ZFPM1: variants seen among roughly 807,000 people sequenced by gnomAD.
ZFPM1 encodes zinc finger protein ZFPM1.
In ZFPM1, 28 loss-of-function variants were observed where a neutral mutation model predicts 46.3. The observed-to-expected ratio is 0.60, with a 90% CI of 0.45 to 0.83. The LOEUF is 0.83. Ranked by LOEUF, ZFPM1 falls within the 40% of genes least tolerant of loss-of-function variation. The pLI is 0.00. For missense variants in ZFPM1, 1,878 were observed against 1,432.4 expected (o/e 1.31, Z -5.02); for synonymous variants, 957 against 675.9 (o/e 1.42, Z -6.45).
intron 1 of ZFPM1, among the ~76,000 whole-genome samples, chr16:88,478,530 C>T (rs555372193): frequency 5.9e-5 from 9 of 152,394 alleles, no homozygotes; most frequent in South Asian, 2.1e-4. Flanking sequence ...CACGGTTGCC[C>T]GTCCTGCCTC....
chr16:88,503,504 C>T lies in ZFPM1; in HGVS notation c.269-10883C>T, dbSNP rs565436728. ...GAGGGATCTGTGTCTGGGGAGGGGC[C>T]GGCCTGTTCTGCCTCCAGGGCTCCT... On this transcript the variant is annotated intron_variant, in intron 3 of 9. Transcript: ENST00000319555. Among the ~76,000 whole-genome samples the T allele has an allele frequency of 4.6e-5, 7 of 151,234 alleles. 1 individual carries two copies. The highest frequency in any genetic ancestry group is 3.9e-4 in the East Asian group (2 of 5,148).
At position 88,533,555 on chromosome 16, in the gene ZFPM1, C is replaced by T. The variant is rs372082316; in HGVS notation, c.1597C>T (p.Pro533Ser). The change falls in exon 10 of 10, where the codon CCC becomes TCC. Residue 533 changes from proline (P) to serine (S), a missense_variant. Coordinates refer to ENST00000319555, the MANE Select transcript of ZFPM1 (RefSeq NM_153813.3). ...GTTCCTTCCGCAGTACGTGTTCGGG[C>T]CCGACGCGGCGCCCCCCGCCTCGGA... ...ALFLPQYVFGPDAAPPASEIL... is the reference protein window; with the variant it reads ...ALFLPQYVFGSDAAPPASEIL... The T allele has an allele frequency of 2.0e-6, 3 of 1,479,844 alleles. No homozygotes were observed. Among genetic ancestry groups the T allele is most frequent in the Non-Finnish European group, 2.7e-6 (3 of 1,116,408 alleles). The allele number at this position is 1,479,844 out of a possible 1,614,324, so 91.7% of individuals were successfully genotyped here.
At chr16:88,528,292 G>A (rs1912509942) in intron 6 of ZFPM1, 54 bp downstream of exon 6, 3 of 1,516,978 alleles carry the variant, frequency 2.0e-6, no homozygotes, top group Middle Eastern at 2.3e-4. Flanking sequence ...GGAGGAGCAG[G>A]CAGGGCAGGA....
In ZFPM1 at chr16:88,469,215, C is replaced by T. The variant is rs549278529; in HGVS notation, c.40+15537C>T. Among the ~76,000 whole-genome samples the T allele has an allele frequency of 3.9e-5, 6 of 152,336 alleles. 1 individual carries two copies. The highest frequency in any genetic ancestry group is 1.9e-4 in the East Asian group (1 of 5,180). On this transcript the variant is annotated intron_variant, in intron 1 of 9. Coordinates refer to ENST00000319555, the MANE Select transcript of ZFPM1 (RefSeq NM_153813.3). This position sits in a 1 kb window ranked among gnomAD's most constrained non-coding sequence, Gnocchi z 4.3. ...CCCTCTCCCCGCGCTGACTTCCATC[C>T]GGAACCTCATTCTGCCAAGCTTCTG...
At chr16:88,483,696 G>T (rs905509100) in intron 1 of ZFPM1, among the ~76,000 whole-genome samples, 1 of 152,150 alleles carries the variant, frequency 6.6e-6, no homozygotes, top group South Asian at 2.1e-4. Flanking sequence ...TCAGCGATCT[G>T]GTGCACCCCT....
At chr16:88,467,103 A>G (rs1401036927) in intron 1 of ZFPM1, among the ~76,000 whole-genome samples, 1 of 152,180 alleles carries the variant, frequency 6.6e-6, no homozygotes, top group African/African-American at 2.4e-5. Context: ...GCCAACGGCT[A>G]CAGTGTGCCG....
chr16:88,532,567 A>C (rs1912875373), intron 7 of ZFPM1, 47 bp from the exon 8 acceptor site: 1 of 1,534,510 alleles, frequency 6.5e-7, no homozygotes, highest in East Asian at 2.5e-5. Context: ...CTGGAGTCCC[A>C]AGGTTAAGCT....
intron 1 of ZFPM1, among the ~76,000 whole-genome samples, chr16:88,462,575 G>A (rs1001123152): frequency 6.6e-6 from 1 of 152,218 alleles, no homozygotes; most frequent in Non-Finnish European, 1.5e-5. Context: ...CTCCTGGACT[G>A]TCAGGGGTGT....
chr16:88,531,195 TC>T (rs1912758019), intron 6 of ZFPM1: 1 of 152,066 alleles, frequency 6.6e-6, no homozygotes, highest in Non-Finnish European at 1.5e-5. Context: ...AACAGGTCCT[TC>T]CCTTCCCTGT....
intron 3 of ZFPM1, chr16:88,513,250 G>T (rs890702137): frequency 2.6e-5 from 4 of 152,380 alleles, no homozygotes; most frequent in Non-Finnish European, 5.9e-5. Context: ...GGCTGATAAA[G>T]GGGCGCGGGC....
At chr16:88,519,733 G>T (rs1911674233) in intron 4 of ZFPM1, among the ~76,000 whole-genome samples, 1 of 139,498 alleles carries the variant, frequency 7.2e-6, no homozygotes, top group Non-Finnish European at 1.6e-5. Context: ...GTGGATGATG[G>T]ATAGGTGGAT....
rs184370502 is a variant in ZFPM1, at chr16:88,500,618, C to T, written c.268+11465C>T. On this transcript the variant is annotated intron_variant, in intron 3 of 9. Coordinates refer to ENST00000319555, the MANE Select transcript of ZFPM1 (RefSeq NM_153813.3). ...ACTGTTGCTGCCAGCAGTGCTGTTG[C>T]CGTTACTGGCACCAACCCTCCCGCT... Among the ~76,000 whole-genome samples the T allele has an allele frequency of 3.1e-4, 48 of 152,386 alleles. No individual in the cohort carries two copies. In the East Asian group the frequency reaches 8.9e-3, roughly 28 times the overall value.
chr16:88,482,322 G>A (rs1908984625), intron 1 of ZFPM1, among the ~76,000 whole-genome samples: 1 of 152,086 alleles, frequency 6.6e-6, no homozygotes. Context: ...TGGGGACCAG[G>A]CAGCTGCTCT....
chr16:88,507,774 A>G (rs1254653797), intron 3 of ZFPM1, among the ~76,000 whole-genome samples: 2 of 152,108 alleles, frequency 1.3e-5, no homozygotes, highest in African/African-American at 2.4e-5. Context: ...GACCTCACCC[A>G]TGCACCCAGG....
chr16:88,476,184 G>A (rs1274261636), intron 1 of ZFPM1, among the ~76,000 whole-genome samples: 1 of 152,020 alleles, frequency 6.6e-6, no homozygotes, highest in East Asian at 1.9e-4. Flanking sequence ...AGGGTGAGCA[G>A]GCTGAGACCC....
intron 1 of ZFPM1, among the ~76,000 whole-genome samples, chr16:88,462,229 G>A (rs531644624): frequency 6.6e-6 from 1 of 152,368 alleles, no homozygotes; most frequent in East Asian, 1.9e-4. Flanking sequence ...CCCCGGCTGT[G>A]AAATGGGTGT....
chr16:88,533,907 G>C lies in ZFPM1; in HGVS notation c.1949G>C (p.Gly650Ala). The change falls in exon 10 of 10, where the codon GGC (glycine) becomes GCC (alanine). Residue 650 changes from glycine to alanine, a missense_variant. Transcript: ENST00000319555. ...GGAGCGCGCGAGGAGGGGGCTGGGG[G>C]CGCGGCCACGCCCGAGGACGGCGCG... is the stretch of plus-strand genomic sequence containing the variant. ...GPGAREEGAG[G>A]AATPEDGAGG... The C allele has an allele frequency of 9.0e-7, 1 of 1,116,638 alleles. No homozygotes were observed. The highest frequency in any genetic ancestry group is 1.1e-6 in the Non-Finnish European group (1 of 906,788). 69.2% of individuals were successfully genotyped at this position (1,116,638 alleles called of 1,614,324 possible).
At position 88,534,142 on chromosome 16, in the gene ZFPM1, G is replaced by T. The variant is rs1360055051; in HGVS notation, c.2184G>T (p.Ala728=). ...AAPPGPPGPA[A]PPAPSPAAPV... ...CCCCGGGACCCCCTGGGCCGGCCGC[G>T]CCCCCGGCCCCCTCTCCCGCCGCGC... Residue 728 remains alanine (A), a synonymous_variant, in exon 10 of 10, where the codon GCG becomes GCT. Transcript: ENST00000319555. 48 of 998,414 alleles carry T rather than the reference G, an allele frequency of 4.8e-5. No homozygotes were observed. Among genetic ancestry groups the T allele is most frequent in the South Asian group, 9.1e-5 (2 of 22,066 alleles). 61.8% of individuals were successfully genotyped at this position (998,414 alleles called of 1,614,324 possible).
chr16:88,453,750 C>T (rs1907400118), intron 1 of ZFPM1, 72 bp downstream of exon 1: 55 of 924,398 alleles, frequency 5.9e-5, no homozygotes, highest in Non-Finnish European at 7.3e-5. Flanking sequence ...CAGCGCCGCC[C>T]CCGCCCGTCC....
Sources: allele counts gnomAD v4.1 joint callset (sites outside exome capture counted in the v4.1 genomes callset), GRCh38; gene constraint gnomAD v4.1.1; non-coding constraint Gnocchi (gnomAD v3.1); transcripts MANE v1.5; gene names NCBI Gene and HGNC (gene_info 2026-07-23, HGNC 2026-07-21).